Variants in YARS2 observed in about 807,000 individuals in gnomAD.
The protein encoded by YARS2 is tyrosine--tRNA ligase, mitochondrial.
In YARS2, 38 loss-of-function variants were observed where a neutral mutation model predicts 45.0. That is an observed-to-expected ratio of 0.84 (90% CI 0.65 to 1.11). The LOEUF is 1.11. YARS2 is among the 50% of genes least tolerant of loss of function. The pLI, the probability that YARS2 is intolerant of heterozygous loss-of-function variation, is 0.00. For missense variants in YARS2, 602 were observed against 599.8 expected (o/e 1.00, Z -0.04); for synonymous variants, 287 against 245.1 (o/e 1.17, Z -1.60).
intron 2 of YARS2, among the ~76,000 whole-genome samples, chr12:32,752,588 CTACAAAAA>C (rs1008198036): frequency 2.2e-4 from 34 of 151,702 alleles, no homozygotes; most frequent in African/African-American, 8.2e-4. Flanking sequence ...AACCCTGCCT[CTACAAAAA>C]TACAAAAATT....
In YARS2 at chr12:32,750,752, A is replaced by G. The variant is rs1486946088; in HGVS notation, c.1070T>C (p.Val357Ala). The G allele has an allele frequency of 4.3e-6, 7 of 1,614,010 alleles. No homozygotes were observed. Among genetic ancestry groups the G allele is most frequent in the Non-Finnish European group, 5.9e-6 (7 of 1,180,028 alleles). The change falls in exon 3 of 5, where the codon GTT (valine) becomes GCT (alanine). Residue 357 changes from valine to alanine, a missense_variant. Coordinates refer to ENST00000324868, the MANE Select transcript of YARS2 (RefSeq NM_001040436.3). ...AGAATCCAATCCTTCTCGTCCATGA[A>G]CAAGCTTTGTTACTTCTGCTGCCAG... The part of the protein sequence containing the change: ...KRLAAEVTKL[V>A]HGREGLDSAK...
rs1479742027 is a variant in YARS2, at chr12:32,754,074, T to A, written c.791A>T (p.Glu264Val). 6.2e-7 allele frequency: 1 copy of A among 1,614,200 alleles called. No individual in the cohort carries two copies. Among genetic ancestry groups the A allele is most frequent in the Non-Finnish European group, 8.5e-7 (1 of 1,180,036 alleles). Reference sequence around the variant, plus strand: ...AGGAACGGTGATTCCAAATACATCTTCTCCAGTCAACCTACGCATAAAGAA... The same window carrying A: ...AGGAACGGTGATTCCAAATACATCTACTCCAGTCAACCTACGCATAAAGAA... ...GYEFINKLTGEDVFGITVPLI... is the reference protein window; with the variant it reads ...GYEFINKLTGVDVFGITVPLI... The change falls in exon 2 of 5, where the codon GAA (glutamate) becomes GTA (valine). Residue 264 changes from glutamate (E) to valine (V), a missense_variant. Transcript: ENST00000324868.
chr12:32,749,098 A>G (rs1955692061), intron 4 of YARS2, among the ~76,000 whole-genome samples: 1 of 152,270 alleles, frequency 6.6e-6, no homozygotes, highest in African/African-American at 2.4e-5. Context: ...GTTTACAATA[A>G]TAGTCTTATG....
At chr12:32,750,375 T>C (rs374140841) in intron 3 of YARS2, among the ~76,000 whole-genome samples, 9 of 152,224 alleles carry the variant, frequency 5.9e-5, no homozygotes, top group Admixed American at 6.5e-5. Flanking sequence ...CTAAGTTTTG[T>C]ATTTTTAGTA....
chr12:32,752,770 A>T, intron 2 of YARS2: 1 of 367,020 alleles, frequency 2.7e-6, no homozygotes, highest in Non-Finnish European at 5.4e-6. Context: ...AAAAAAGATT[A>T]TCAATTCTCA....
chr12:32,750,493 G>A (rs931666827), intron 3 of YARS2, among the ~76,000 whole-genome samples: 12 of 152,150 alleles, frequency 7.9e-5, no homozygotes, highest in Middle Eastern at 3.2e-3. Flanking sequence ...GAGCCACCGC[G>A]CCCGGCATAG....
At position 32,755,837 on chromosome 12, in the gene YARS2, C is replaced by G; in HGVS notation, c.38G>C (p.Arg13Pro). Residue 13 changes from arginine (R) to proline (P), a missense_variant, in exon 1 of 5, where the codon CGG becomes CCG. Arg to Pro is a moderately radical substitution (Grantham distance 103). Transcript: ENST00000324868. ...APILRSFSWG[R>P]WSGTLNLSVL... ...TGAGAGATTTAGGGTACCAGACCAC[C>G]GGCCCCAGGAAAAGGACCGCAAGAT... 6.2e-7 allele frequency: 1 copy of G among 1,613,378 alleles called. No individual in the cohort carries two copies. The highest frequency in any genetic ancestry group is 8.5e-7 in the Non-Finnish European group (1 of 1,180,048).
intron 3 of YARS2, among the ~76,000 whole-genome samples, chr12:32,750,423 G>A (rs1319957164): frequency 2.0e-5 from 3 of 152,046 alleles, no homozygotes; most frequent in Admixed American, 6.5e-5. Flanking sequence ...GGCTGGTCTC[G>A]AACTCCTGAC....
chr12:32,748,609 T>A (rs1955684308), intron 4 of YARS2, among the ~76,000 whole-genome samples: 1 of 152,218 alleles, frequency 6.6e-6, no homozygotes, highest in African/African-American at 2.4e-5. Context: ...TGAGGAAAAT[T>A]ATTTGTCTCG....
intron 3 of YARS2, 143 bp from the exon 4 acceptor site, chr12:32,750,250 G>A: frequency 1.1e-6 from 1 of 949,968 alleles, no homozygotes; most frequent in Non-Finnish European, 1.6e-6. Flanking sequence ...TGCCCCGGCT[G>A]GATTGCAATG....
intron 1 of YARS2, 105 bp from the exon 2 acceptor site, chr12:32,754,190 T>C (rs1377799962): frequency 8.1e-7 from 1 of 1,238,700 alleles, no homozygotes; most frequent in Non-Finnish European, 1.2e-6. Context: ...CAGGAAAACT[T>C]CCTTGACCTC....
intron 2 of YARS2, among the ~76,000 whole-genome samples, chr12:32,752,204 CTT>C: frequency 6.6e-6 from 1 of 152,214 alleles, no homozygotes; most frequent in South Asian, 2.1e-4. Flanking sequence ...TATGTATTCT[CTT>C]TTTCTTTGGT....
At chr12:32,747,488 T>G in intron 4 of YARS2, 125 bp from the exon 5 acceptor site, 1 of 924,218 alleles carries the variant, frequency 1.1e-6, no homozygotes, top group Non-Finnish European at 1.7e-6. Context: ...GGCACTGGAC[T>G]GTTACCTTCA....
Position 32,755,455 on chromosome 12 carries a change from G to A in YARS2, c.420C>T (p.Asn140=). 6.2e-7 allele frequency: 1 copy of A among 1,612,694 alleles called. No homozygotes were observed. Among genetic ancestry groups the A allele is most frequent in the Non-Finnish European group, 8.5e-7 (1 of 1,179,616 alleles). ...CAAGCCCTAGGCGCAGAGCTCGCGCGTTGGCTCGCACGCGCTCTGTCTCCA... is the reference window on the plus strand; with the variant it reads ...CAAGCCCTAGGCGCAGAGCTCGCGCATTGGCTCGCACGCGCTCTGTCTCCA... The part of the protein sequence containing the change: ...EALETERVRA[N]ARALRLGLEA... Residue 140 remains asparagine (N), a synonymous_variant, in exon 1 of 5, where the codon AAC becomes AAT. Transcript: ENST00000324868.
chr12:32,747,995 A>G (rs911400123), intron 4 of YARS2, among the ~76,000 whole-genome samples: 1 of 152,190 alleles, frequency 6.6e-6, no homozygotes, highest in African/African-American at 2.4e-5. Flanking sequence ...TACCTTGACA[A>G]TCAGGGCAGG....
In YARS2 at chr12:32,755,706, T is replaced by C. The variant is rs1955835595; in HGVS notation, c.169A>G (p.Thr57Ala). Reference sequence around the variant, plus strand: ...AAGAGCTCTGGGAGCTCTATTTTCGTCCCCGTCTCCGGGAAGAAGTCCTTG... The same window carrying C: ...AAGAGCTCTGGGAGCTCTATTTTCGCCCCCGTCTCCGGGAAGAAGTCCTTG... ...LFKDFFPETG[T>A]KIELPELFDR... is the part of the protein sequence containing the mutation. The change falls in exon 1 of 5, where the codon ACG (threonine) becomes GCG (alanine). Residue 57 changes from threonine (T) to alanine (A), a missense_variant. Coordinates refer to ENST00000324868, the MANE Select transcript of YARS2 (RefSeq NM_001040436.3). The C allele has an allele frequency of 6.2e-7, 1 of 1,614,230 alleles. No homozygotes were observed. Among genetic ancestry groups the C allele is most frequent in the Non-Finnish European group, 8.5e-7 (1 of 1,180,050 alleles).
intron 4 of YARS2, 113 bp downstream of exon 4, chr12:32,749,824 G>T: frequency 8.0e-7 from 1 of 1,248,294 alleles, no homozygotes; most frequent in South Asian, 1.2e-5. Context: ...TGATCTGCCC[G>T]CCTCGGCCTC....
At position 32,755,174 on chromosome 12, in the gene YARS2, TGGAA is replaced by T; in HGVS notation, c.697_700del (p.Phe233SerfsTer15). The T allele has an allele frequency of 6.2e-7, 1 of 1,614,182 alleles. No individual in the cohort carries two copies. Among genetic ancestry groups the T allele is most frequent in the Non-Finnish European group, 8.5e-7 (1 of 1,180,038 alleles). ...CAGCTGGACCCTGCATCCATAACGC[TGGAA>T]GAGGTAATAGAAGTCATAGGCCTGG... is the stretch of plus-strand genomic sequence containing the variant. On this transcript the variant is annotated frameshift_variant, in exon 1 of 5. Transcript: ENST00000324868. LOFTEE classifies it high-confidence loss of function.
At chr12:32,749,083 A>G (rs1364688112) in intron 4 of YARS2, among the ~76,000 whole-genome samples, 1 of 152,256 alleles carries the variant, frequency 6.6e-6, no homozygotes, top group Non-Finnish European at 1.5e-5. Flanking sequence ...GGGGATTATT[A>G]TATAGTTTAC....
Sources: allele counts gnomAD v4.1 joint callset (sites outside exome capture counted in the v4.1 genomes callset), GRCh38; gene constraint gnomAD v4.1.1; transcripts MANE v1.5; gene names NCBI Gene and HGNC (gene_info 2026-07-23, HGNC 2026-07-21).